Variants in ATP2C2 observed in about 807,000 individuals in gnomAD.
ATP2C2 encodes the protein calcium-transporting ATPase type 2C member 2.
ATP2C2 carries 171 observed loss-of-function variants against 110.8 expected under a neutral mutation model. That is an observed-to-expected ratio of 1.54 (90% CI 1.36 to 1.75). The LOEUF is 1.75. Among genes scored for constraint, ATP2C2 ranks in the 40% most tolerant of loss-of-function variants. ATP2C2 has a pLI of 0.00. For missense variants in ATP2C2, 1,963 were observed against 1,235.0 expected, an observed-to-expected ratio of 1.59 and a Z score of -8.84; for synonymous variants, 804 against 508.4, an observed-to-expected ratio of 1.58 and a Z score of -7.82.
At chr16:84,418,979 TG>T (rs1907078665) in intron 7 of ATP2C2, among the ~76,000 whole-genome samples, 1 of 151,520 alleles carries the variant, frequency 6.6e-6, no homozygotes, top group Admixed American at 6.6e-5. Context: ...GAGGCTGAGG[TG>T]GGTGGATCAC....
intron 11 of ATP2C2, among the ~76,000 whole-genome samples, chr16:84,432,451 G>A (rs981146306): frequency 6.6e-6 from 1 of 151,900 alleles, no homozygotes; most frequent in African/African-American, 2.4e-5. Flanking sequence ...ACAGGCCTGG[G>A]TGTGGATGTC....
At chr16:84,460,836 C>T (rs763922975) in intron 24 of ATP2C2, 35 bp downstream of exon 24, 12 of 1,589,216 alleles carry the variant, frequency 7.6e-6, no homozygotes, top group East Asian at 6.7e-5. Flanking sequence ...TTCTCCAAGC[C>T]CTGGTGCGGT....
chr16:84,415,741 A>G, intron 7 of ATP2C2, 150 bp downstream of exon 7: 1 of 637,738 alleles, frequency 1.6e-6, no homozygotes, highest in Non-Finnish European at 2.7e-6. Flanking sequence ...GGAAGTTAGC[A>G]GACAAGCGTG....
chr16:84,445,252 A>G (rs1597851646), intron 15 of ATP2C2, among the ~76,000 whole-genome samples: 1 of 141,420 alleles, frequency 7.1e-6, no homozygotes, highest in Non-Finnish European at 1.5e-5. Context: ...TCTGTTGCCC[A>G]GGCTGGAGTG....
In ATP2C2 at chr16:84,459,225, C is replaced by G. The variant is rs776459343; in HGVS notation, c.2216+37C>G. 5.6e-6 allele frequency: 9 copies of G among 1,614,146 alleles called. No individual in the cohort carries two copies. The East Asian group carries it at 1.1e-4, about 20-fold the overall frequency. On this transcript the variant is annotated intron_variant, in intron 22 of 26. Transcript: ENST00000262429. The stretch of plus-strand genomic sequence containing the variant: ...CCAGCATTCCGAGTGTCATTAAGCA[C>G]CACGCCTGGCGGGCGGCCGCTGACT...
At chr16:84,378,039 A>C (rs1016668138) in intron 1 of ATP2C2, among the ~76,000 whole-genome samples, 1 of 152,138 alleles carries the variant, frequency 6.6e-6, no homozygotes, top group Non-Finnish European at 1.5e-5. Context: ...CTCAAGTGCA[A>C]ACAGAGACAG....
chr16:84,405,282 T>G (rs774321726), intron 3 of ATP2C2, 38 bp downstream of exon 3: 2 of 1,540,970 alleles, frequency 1.3e-6, no homozygotes, highest in Non-Finnish European at 8.9e-7. Flanking sequence ...TTAACATGCA[T>G]AAGCCAGCGA....
At chr16:84,454,763 G>C in intron 20 of ATP2C2, 55 bp from the exon 21 acceptor site, 1 of 1,511,736 alleles carries the variant, frequency 6.6e-7, no homozygotes, top group Non-Finnish European at 8.8e-7. Context: ...TGCATGGCCG[G>C]GCACTGGGAG....
At chr16:84,427,559 A>C (rs968608698) in intron 11 of ATP2C2, among the ~76,000 whole-genome samples, 1 of 152,156 alleles carries the variant, frequency 6.6e-6, no homozygotes, top group African/African-American at 2.4e-5. Flanking sequence ...TCTACTAAAA[A>C]TACAAAAATT....
chr16:84,443,724 G>A (rs1307056571), intron 15 of ATP2C2, among the ~76,000 whole-genome samples: 1 of 152,134 alleles, frequency 6.6e-6, no homozygotes, highest in East Asian at 1.9e-4. Flanking sequence ...ACTGCCTTCT[G>A]TTATCAGCTT....
intron 1 of ATP2C2, among the ~76,000 whole-genome samples, chr16:84,395,655 G>A (rs1330008622): frequency 6.6e-6 from 1 of 151,566 alleles, no homozygotes; most frequent in Non-Finnish European, 1.5e-5. Context: ...GATTACAGAT[G>A]CCTGCCACCA....
At chr16:84,437,164 C>G (rs965744441) in intron 11 of ATP2C2, among the ~76,000 whole-genome samples, 1 of 152,154 alleles carries the variant, frequency 6.6e-6, no homozygotes, top group African/African-American at 2.4e-5. Flanking sequence ...GAGATATACA[C>G]AGCCGTCACC....
rs1050644351 is a variant in ATP2C2 at position 84,380,504 on chromosome 16, G to A, written c.99+11790G>A. Among the ~76,000 whole-genome samples, 5 of 152,268 alleles carry A rather than the reference G, an allele frequency of 3.3e-5. No individual in the cohort carries two copies. In the East Asian group the frequency reaches 7.7e-4, roughly 23 times the overall value. On this transcript the variant is annotated intron_variant, in intron 1 of 26. Transcript: ENST00000262429. ...TATTTTCCCCCGTGACTTGGGGTTG[G>A]GGGAGGCGGAGGGAGGAAGGTCCTG...
At chr16:84,442,910 T>C (rs775266371) in intron 15 of ATP2C2, among the ~76,000 whole-genome samples, 3 of 152,140 alleles carry the variant, frequency 2.0e-5, no homozygotes, top group African/African-American at 4.8e-5. Flanking sequence ...AGACTCCCTA[T>C]GCACCCAACA....
chr16:84,445,915 C>T (rs1026622529), intron 15 of ATP2C2, among the ~76,000 whole-genome samples: 1 of 152,204 alleles, frequency 6.6e-6, no homozygotes, highest in Non-Finnish European at 1.5e-5. Context: ...CAAAGAGCAA[C>T]AAAGGGCCAG....
At chr16:84,425,662 T>G in intron 10 of ATP2C2, 73 bp from the exon 11 acceptor site, 1 of 1,514,886 alleles carries the variant, frequency 6.6e-7, no homozygotes. Context: ...TTTAAGGAAG[T>G]GAGTTTGAAT....
At chr16:84,411,764 ATTTAAT>A (rs1460841247) in intron 6 of ATP2C2, among the ~76,000 whole-genome samples, 6 of 152,056 alleles carry the variant, frequency 3.9e-5, no homozygotes, top group Admixed American at 3.9e-4. Context: ...TCTTAATGTT[ATTTAAT>A]TTTAATTTTT....
chr16:84,410,314 A>T (rs1268049229), intron 4 of ATP2C2, among the ~76,000 whole-genome samples: 1 of 152,114 alleles, frequency 6.6e-6, no homozygotes, highest in Non-Finnish European at 1.5e-5. Flanking sequence ...AGATTATAAG[A>T]TGCGGTGCCT....
At chr16:84,396,545 A>T in intron 1 of ATP2C2, among the ~76,000 whole-genome samples, 1 of 104,432 alleles carries the variant, frequency 9.6e-6, no homozygotes, top group Non-Finnish European at 1.9e-5. Context: ...GTGAGGCTCT[A>T]TCTCAAAAAA....
Sources: allele counts gnomAD v4.1 joint callset (sites outside exome capture counted in the v4.1 genomes callset), GRCh38; gene constraint gnomAD v4.1.1; transcripts MANE v1.5; gene names NCBI Gene and HGNC (gene_info 2026-07-23, HGNC 2026-07-21).